The following SGO2 variants were observed in gnomAD, a reference collection of about 807,000 sequenced individuals.
SGO2 encodes the protein shugoshin-like 2.
A neutral mutation model predicts 99.5 loss-of-function variants in SGO2; 68 were observed. The observed-to-expected ratio is 0.68, with a 90% confidence interval of 0.56 to 0.84. The LOEUF is 0.84. Among genes scored for constraint, SGO2 ranks in the 40% least tolerant of loss-of-function variants. The pLI is 0.00. For synonymous variants in SGO2, 457 were observed against 487.1 expected (o/e 0.94, Z 0.81); for missense variants, 1,350 against 1,436.7 (o/e 0.94, Z 0.97).
At position 200,573,885 on chromosome 2, in the gene SGO2, G is replaced by C. The variant is rs1359030009; in HGVS notation, c.3539G>C (p.Cys1180Ser). 6.2e-7 allele frequency: 1 copy of C among 1,612,980 alleles called. No homozygotes were observed. The highest frequency in any genetic ancestry group is 8.5e-7 in the Non-Finnish European group (1 of 1,179,442). ...VIIKENFALE[C>S]SPAFQVSDDE... ...ATAAAAGAAAATTTTGCCTTGGAGT[G>C]CTCCCCAGCCTTTCAAGTAAGTGAT... The change falls in exon 7 of 9, where the codon TGC becomes TCC. Residue 1180 changes from cysteine (C) to serine (S), a missense_variant. Physicochemically the swap from Cys to Ser is moderately radical, Grantham distance 112. Coordinates refer to ENST00000357799, the MANE Select transcript of SGO2 (RefSeq NM_152524.6).
At chr2:200,575,014 C>T (rs2033601273) in intron 7 of SGO2, among the ~76,000 whole-genome samples, 1 of 152,020 alleles carries the variant, frequency 6.6e-6, no homozygotes, top group Admixed American at 6.6e-5. Flanking sequence ...TTGTGCTCCT[C>T]ATGGTGCCTT....
intron 5 of SGO2, among the ~76,000 whole-genome samples, chr2:200,548,046 AG>A (rs905772700): frequency 6.7e-6 from 1 of 150,288 alleles, no homozygotes; most frequent in Non-Finnish European, 1.5e-5. Flanking sequence ...CAGTAATAGT[AG>A]GGGGCTTTAA....
rs186303118 is a variant in SGO2, at chr2:200,573,653, G to C, written c.3307G>C (p.Val1103Leu). ...HEVMERILDS[V>L]QGKSTVSEQA... The stretch of plus-strand genomic sequence containing the variant: ...AGTAATGGAAAGAATACTTGACAGC[G>C]TTCAGGGAAAGTCTACTGTATCTGA... Residue 1103 changes from valine to leucine, a missense_variant, in exon 7 of 9, where the codon GTT (valine) becomes CTT (leucine). By Grantham distance (32) the Val-to-Leu change is conservative. Transcript: ENST00000357799. 6.2e-7 allele frequency: 1 copy of C among 1,613,226 alleles called. No individual in the cohort carries two copies. Among genetic ancestry groups the C allele is most frequent in the Non-Finnish European group, 8.5e-7 (1 of 1,179,460 alleles).
intron 5 of SGO2, among the ~76,000 whole-genome samples, chr2:200,547,884 CTG>C (rs2032299369): frequency 6.6e-6 from 1 of 151,832 alleles, no homozygotes; most frequent in African/African-American, 2.4e-5. Context: ...ACTACAAAGA[CTG>C]TAAAAACTGG....
At chr2:200,528,669 T>G (rs148915127) in intron 1 of SGO2, among the ~76,000 whole-genome samples, 5 of 152,264 alleles carry the variant, frequency 3.3e-5, no homozygotes, top group African/African-American at 1.2e-4. Flanking sequence ...AACACAAATT[T>G]GAGAGTTATC....
chr2:200,571,022 C>A, intron 6 of SGO2, 28 bp from the exon 7 acceptor site: 1 of 1,521,902 alleles, frequency 6.6e-7, no homozygotes, highest in Non-Finnish European at 8.8e-7. Flanking sequence ...TTACTTGTTT[C>A]TGAGTTTTGT....
intron 5 of SGO2, 92 bp downstream of exon 5, chr2:200,542,756 A>G: frequency 9.2e-7 from 1 of 1,086,278 alleles, no homozygotes; most frequent in Non-Finnish European, 1.3e-6. Context: ...GTTCAGGATC[A>G]TCAACCTGTA....
At chr2:200,576,092 A>G (rs1486497739) in intron 8 of SGO2, 3 of 397,786 alleles carry the variant, frequency 7.5e-6, no homozygotes, top group African/African-American at 6.4e-5. Context: ...AAAACTAGAC[A>G]ACAATGATCA....
At chr2:200,533,771 G>C (rs901515924) in intron 2 of SGO2, among the ~76,000 whole-genome samples, 1 of 152,058 alleles carries the variant, frequency 6.6e-6, no homozygotes, top group African/African-American at 2.4e-5. Flanking sequence ...TGCTGATATA[G>C]CTCCTGCGAA....
In SGO2 at chr2:200,571,888, C is replaced by T; in HGVS notation, c.1542C>T (p.His514=). The part of the protein sequence containing the change: ...YSLSQSSGKF[H]QESKFDKGQN... Reference sequence around the variant, plus strand: ...TATCCCAAAGTTCAGGTAAATTTCACCAGGAGAGTAAATTTGATAAGGGTC... The same window carrying T: ...TATCCCAAAGTTCAGGTAAATTTCATCAGGAGAGTAAATTTGATAAGGGTC... Residue 514 remains histidine, a synonymous_variant, in exon 7 of 9, where the codon CAC becomes CAT. Transcript: ENST00000357799. 1 of 1,613,436 alleles carries T rather than the reference C, an allele frequency of 6.2e-7. No homozygotes were observed. The highest frequency in any genetic ancestry group is 8.5e-7 in the Non-Finnish European group (1 of 1,179,608).
At chr2:200,575,169 C>T in intron 7 of SGO2, 142 bp from the exon 8 acceptor site, 1 of 457,888 alleles carries the variant, frequency 2.2e-6, no homozygotes, top group Non-Finnish European at 3.8e-6. Context: ...CAGTTTGTTT[C>T]AAATGTTAGT....
intron 5 of SGO2, among the ~76,000 whole-genome samples, chr2:200,552,587 T>C (rs2032538534): frequency 6.6e-6 from 1 of 152,206 alleles, no homozygotes; most frequent in African/African-American, 2.4e-5. Flanking sequence ...TCTCCCCTTT[T>C]AGACCATATA....
Position 200,572,115 on chromosome 2 carries a change from T to G in SGO2, c.1769T>G (p.Leu590Trp). 6.2e-7 allele frequency: 1 copy of G among 1,612,976 alleles called. No homozygotes were observed. The change falls in exon 7 of 9, where the codon TTG (leucine) becomes TGG (tryptophan). Residue 590 changes from leucine (L) to tryptophan (W), a missense_variant. Transcript: ENST00000357799. Reference protein sequence around the residue: ...NLCDYGTHNILDLKKYVTDIQ... With the variant: ...NLCDYGTHNIWDLKKYVTDIQ... Reference sequence around the variant, plus strand: ...TGTGATTATGGGACCCACAATATATTGGATTTGAAAAAGTATGTCACTGAT... The same window carrying G: ...TGTGATTATGGGACCCACAATATATGGGATTTGAAAAAGTATGTCACTGAT...
chr2:200,563,554 A>G (rs2033061842), intron 5 of SGO2, among the ~76,000 whole-genome samples: 1 of 152,218 alleles, frequency 6.6e-6, no homozygotes, highest in African/African-American at 2.4e-5. Flanking sequence ...CTTTGGTATC[A>G]GGATGATGCT....
rs763351737 is a variant in SGO2 at position 200,572,768 on chromosome 2, C to G, written c.2422C>G (p.Pro808Ala). 6.2e-7 allele frequency: 1 copy of G among 1,612,888 alleles called. No individual in the cohort carries two copies. Among genetic ancestry groups the G allele is most frequent in the African/African-American group, 1.3e-5 (1 of 74,928 alleles). Reference sequence around the variant, plus strand: ...AAATGATTCAAAAATAGGTAAGAAGCCTAGACTAAATGTATGTCAAAAGTC... The same window carrying G: ...AAATGATTCAAAAATAGGTAAGAAGGCTAGACTAAATGTATGTCAAAAGTC... ...CQNDSKIGKK[P>A]RLNVCQKSEI... Residue 808 changes from proline (P) to alanine (A), a missense_variant, in exon 7 of 9, where the codon CCT becomes GCT. Pro to Ala is a conservative substitution (Grantham distance 27). Coordinates refer to ENST00000357799, the MANE Select transcript of SGO2 (RefSeq NM_152524.6).
intron 8 of SGO2, among the ~76,000 whole-genome samples, chr2:200,582,806 T>C (rs1208644374): frequency 2.0e-5 from 3 of 152,112 alleles, no homozygotes; most frequent in East Asian, 3.9e-4. Context: ...AGACACAGAA[T>C]ATAAAATGTT....
intron 1 of SGO2, among the ~76,000 whole-genome samples, chr2:200,528,603 C>T (rs842930): frequency 2.0e-5 from 3 of 152,016 alleles, no homozygotes; most frequent in East Asian, 1.9e-4. Context: ...GTTGGAGATG[C>T]GTAGTAGGCA....
chr2:200,539,622 A>G (rs1159717258), intron 4 of SGO2, among the ~76,000 whole-genome samples: 1 of 151,806 alleles, frequency 6.6e-6, no homozygotes, highest in Non-Finnish European at 1.5e-5. Flanking sequence ...TTCTCTCAAT[A>G]CTTTCAATTT....
chr2:200,541,704 T>C (rs773003779), intron 4 of SGO2, among the ~76,000 whole-genome samples: 13 of 152,222 alleles, frequency 8.5e-5, no homozygotes, highest in Non-Finnish European at 1.2e-4. Context: ...GGGGATGTGC[T>C]CTTTAACACT....
Sources: allele counts gnomAD v4.1 joint callset (sites outside exome capture counted in the v4.1 genomes callset), GRCh38; gene constraint gnomAD v4.1.1; transcripts MANE v1.5; gene names NCBI Gene and HGNC (gene_info 2026-07-23, HGNC 2026-07-21).